ASIC2: variants seen among roughly 807,000 people sequenced by gnomAD.
The protein encoded by ASIC2 is acid sensing ion channel subunit 2.
A neutral mutation model predicts 57.3 loss-of-function variants in ASIC2; 25 were observed. The ratio of observed to expected loss-of-function variants is 0.44; its 90% confidence interval spans 0.32 to 0.61. The LOEUF is 0.61. Ranked by LOEUF, ASIC2 falls within the 20% of genes least tolerant of loss-of-function variation. ASIC2 has a pLI of 0.06. For missense variants in ASIC2, 641 were observed against 738.1 expected (o/e 0.87, Z 1.52); for synonymous variants, 319 against 307.5 (o/e 1.04, Z -0.39).
chr17:34,056,184 A>G (rs1908759274), intron 1 of ASIC2, among the ~76,000 whole-genome samples: 1 of 152,198 alleles, frequency 6.6e-6, no homozygotes, highest in South Asian at 2.1e-4. Flanking sequence ...CAATTAAGAA[A>G]GTGGAGGAAG....
intron 1 of ASIC2, among the ~76,000 whole-genome samples, chr17:33,381,339 T>C (rs950092396): frequency 1.3e-5 from 2 of 152,152 alleles, no homozygotes; most frequent in Non-Finnish European, 2.9e-5. Flanking sequence ...ACCAAGAGCA[T>C]GGGGGGAGGA....
chr17:33,575,482 A>T (rs555272848), intron 1 of ASIC2, among the ~76,000 whole-genome samples: 1 of 152,078 alleles, frequency 6.6e-6, no homozygotes, highest in East Asian at 1.9e-4. Flanking sequence ...TCAATAGGTA[A>T]CTCTCCTTCT....
At chr17:34,155,578 C>T (rs1023149477) in intron 1 of ASIC2, 22 of 189,988 alleles carry the variant, frequency 1.2e-4, no homozygotes, top group African/African-American at 3.2e-4. Flanking sequence ...GAGACACACA[C>T]GCACACGCAC....
chr17:33,596,687 C>A (rs959897632), intron 1 of ASIC2, among the ~76,000 whole-genome samples: 4 of 152,162 alleles, frequency 2.6e-5, no homozygotes, highest in Non-Finnish European at 5.9e-5. Context: ...TCTCCCTCCT[C>A]CTTCCTTTTC....
At chr17:33,125,148 G>T (rs533127279) in intron 1 of ASIC2, among the ~76,000 whole-genome samples, 3 of 152,340 alleles carry the variant, frequency 2.0e-5, no homozygotes, top group Non-Finnish European at 4.4e-5. Flanking sequence ...TGGCCTGGGG[G>T]TTGGGGACCC....
At chr17:33,265,815 T>C (rs1909437592) in intron 1 of ASIC2, among the ~76,000 whole-genome samples, 2 of 152,314 alleles carry the variant, frequency 1.3e-5, no homozygotes, top group African/African-American at 4.8e-5. Flanking sequence ...TGTCTATTCA[T>C]TGTTTTGTCT....
At chr17:34,101,417 C>T (rs888451756) in intron 1 of ASIC2, among the ~76,000 whole-genome samples, 77 of 152,184 alleles carry the variant, frequency 5.1e-4, no homozygotes, top group African/African-American at 1.8e-3. Context: ...CTGCTTACCA[C>T]TTCGTCAAGT....
chr17:33,081,087 T>G (rs1455779766), intron 3 of ASIC2, among the ~76,000 whole-genome samples: 1 of 152,106 alleles, frequency 6.6e-6, no homozygotes, highest in East Asian at 1.9e-4. Context: ...CTGGAGTATA[T>G]TTTTATGGGA....
intron 1 of ASIC2, among the ~76,000 whole-genome samples, chr17:33,553,524 G>C (rs911986187): frequency 2.1e-4 from 32 of 151,736 alleles, no homozygotes; most frequent in African/African-American, 7.8e-4. Context: ...ATTTTGAGAT[G>C]GAGGTCTCTC....
rs1193389510 is a variant in ASIC2 at position 33,037,157 on chromosome 17, T to TG, written c.988-8766dup. Among the ~76,000 whole-genome samples the TG allele has an allele frequency of 5.5e-5, 8 of 145,164 alleles. 1 individual carries two copies. Among genetic ancestry groups the TG allele is most frequent in the African/African-American group, 2.0e-4 (8 of 39,376 alleles). On this transcript the variant is annotated intron_variant, in intron 3 of 9. Transcript: ENST00000225823. ...AAAAAAAAAAAAAAAAAGAATTGGTTGGATCCCCTACATTGCTCAATATTG... is the reference window on the plus strand; with the variant it reads ...AAAAAAAAAAAAAAAAAGAATTGGTTGGGATCCCCTACATTGCTCAATATTG...
At chr17:33,523,752 AG>A (rs1486835193) in intron 1 of ASIC2, among the ~76,000 whole-genome samples, 6 of 152,154 alleles carry the variant, frequency 3.9e-5, no homozygotes. Context: ...GTGCTTGGAA[AG>A]GCCCTCTGTG....
chr17:33,878,664 C>G (rs424000), intron 1 of ASIC2, among the ~76,000 whole-genome samples: 39,296 of 152,164 alleles, frequency 0.26, 5,267 homozygotes, highest in Middle Eastern at 0.36. Context: ...GAGAATGGAA[C>G]CAAGTTGGAA....
intron 1 of ASIC2, among the ~76,000 whole-genome samples, chr17:33,180,358 C>A (rs1034506334): frequency 2.0e-5 from 3 of 152,186 alleles, no homozygotes; most frequent in Non-Finnish European, 4.4e-5. Flanking sequence ...ATTAGGGTAA[C>A]CAGACAGTGC....
At chr17:33,588,631 T>G (rs1008486656) in intron 1 of ASIC2, among the ~76,000 whole-genome samples, 1 of 152,100 alleles carries the variant, frequency 6.6e-6, no homozygotes, top group Non-Finnish European at 1.5e-5. Context: ...AGTAAACAAG[T>G]AATATAACAC....
chr17:33,811,814 A>G (rs1430804923), intron 1 of ASIC2, among the ~76,000 whole-genome samples: 1 of 152,050 alleles, frequency 6.6e-6, no homozygotes, highest in Non-Finnish European at 1.5e-5. Flanking sequence ...CCAGACCACA[A>G]CTCCAAAGTT....
intron 1 of ASIC2, among the ~76,000 whole-genome samples, chr17:33,739,986 A>G (rs1270994720): frequency 6.6e-6 from 1 of 151,310 alleles, no homozygotes; most frequent in Non-Finnish European, 1.5e-5. Flanking sequence ...AAAGAAAGAA[A>G]AAAGAAAGAA....
chr17:33,478,789 G>A (rs528687679), intron 1 of ASIC2, among the ~76,000 whole-genome samples: 1 of 152,342 alleles, frequency 6.6e-6, no homozygotes, highest in Non-Finnish European at 1.5e-5. Flanking sequence ...TGATAGGATT[G>A]TGGAGAGAGA....
chr17:33,111,874 C>T, intron 2 of ASIC2, 43 bp downstream of exon 2: 10 of 1,571,868 alleles, frequency 6.4e-6, no homozygotes, highest in Non-Finnish European at 8.6e-6. Flanking sequence ...AGGCCTGCAA[C>T]CCTCCACCAT....
intron 1 of ASIC2, among the ~76,000 whole-genome samples, chr17:33,578,967 G>A (rs749665882): frequency 2.6e-5 from 4 of 152,116 alleles, no homozygotes; most frequent in Non-Finnish European, 5.9e-5. Context: ...CTGGTCCTAG[G>A]GAGCACCTTG....
Sources: gnomAD v4.1 joint callset for allele counts (sites outside exome capture counted in the v4.1 genomes callset) on GRCh38, gnomAD v4.1.1 for gene constraint, MANE v1.5 for transcripts, NCBI Gene and HGNC (gene_info 2026-07-23, HGNC 2026-07-21) for gene names.